The following PACRG variants were observed in gnomAD, a reference collection of about 807,000 sequenced individuals.
PACRG encodes parkin coregulated gene protein.
A neutral mutation model predicts 29.7 loss-of-function variants in PACRG; 29 were observed. The ratio of observed to expected loss-of-function variants is 0.98; its 90% CI spans 0.73 to 1.33. The LOEUF (loss-of-function observed/expected upper bound fraction) is 1.33. Ranked by LOEUF, PACRG falls within the 40% of genes most tolerant of loss-of-function variation. The pLI, the probability that PACRG is intolerant of heterozygous loss-of-function variation, is 0.00. For missense variants in PACRG, 279 were observed against 316.2 expected (o/e 0.88, Z 0.89); for synonymous variants, 116 against 118.7 (o/e 0.98, Z 0.15).
At chr6:163,102,853 G>T (rs1815177364) in intron 4 of PACRG, among the ~76,000 whole-genome samples, 1 of 151,910 alleles carries the variant, frequency 6.6e-6, no homozygotes, top group South Asian at 2.1e-4. Flanking sequence ...ACAGCAATGA[G>T]CTGAAAGCTA....
chr6:163,143,970 C>G (rs569892963), intron 4 of PACRG, among the ~76,000 whole-genome samples: 26 of 152,220 alleles, frequency 1.7e-4, no homozygotes, highest in African/African-American at 6.3e-4. Context: ...TGCGGTGGCT[C>G]ACATCTCTAA....
At position 163,103,804 on chromosome 6, in the gene PACRG, C is replaced by A. The variant is rs533506079; in HGVS notation, c.613+14396C>A. ...CCAACATTTAGTGAAGGTAGCGCAG[C>A]TCGACACTGTATTATTTTTGGAATT... On this transcript the variant is annotated intron_variant, in intron 4 of 4. Coordinates refer to ENST00000366888, the MANE Select transcript of PACRG (RefSeq NM_001080379.2). Among the ~76,000 whole-genome samples the A allele has an allele frequency of 3.9e-5, 6 of 152,300 alleles. No homozygotes were observed. In the South Asian group the frequency reaches 1.2e-3, roughly 32 times the overall value.
intron 4 of PACRG, among the ~76,000 whole-genome samples, chr6:163,218,502 A>AC (rs1463959903): frequency 1.3e-5 from 2 of 151,734 alleles, no homozygotes; most frequent in Admixed American, 6.6e-5. Flanking sequence ...CTCAACACTG[A>AC]CCCCGTCCCC....
At chr6:163,015,243 T>G (rs1011641857) in intron 2 of PACRG, among the ~76,000 whole-genome samples, 5 of 152,214 alleles carry the variant, frequency 3.3e-5, no homozygotes, top group African/African-American at 1.2e-4. Flanking sequence ...CTGTTTTTGT[T>G]ACTATAGCCT....
intron 1 of PACRG, among the ~76,000 whole-genome samples, chr6:162,778,124 G>T (rs1450853787): frequency 6.6e-6 from 1 of 152,140 alleles, no homozygotes. Context: ...CGGTGTTTTG[G>T]GGGGAGGAAA....
chr6:163,100,317 C>A (rs1814985377), intron 4 of PACRG, among the ~76,000 whole-genome samples: 1 of 152,190 alleles, frequency 6.6e-6, no homozygotes, highest in African/African-American at 2.4e-5. Flanking sequence ...GAAACCCACT[C>A]CCATGCCGTG....
chr6:162,732,846 G>GA (rs977147915), intron 1 of PACRG, among the ~76,000 whole-genome samples: 9 of 152,046 alleles, frequency 5.9e-5, no homozygotes, highest in Non-Finnish European at 1.3e-4. Context: ...AATTCTTATA[G>GA]AAAAAAAGTC....
intron 3 of PACRG, among the ~76,000 whole-genome samples, chr6:163,067,638 T>C (rs1038946893): frequency 1.3e-5 from 2 of 152,200 alleles, no homozygotes; most frequent in Admixed American, 6.5e-5. Context: ...AAATAATCTG[T>C]TGTTTCCACG....
intron 4 of PACRG, among the ~76,000 whole-genome samples, chr6:163,285,349 G>A (rs962661691): frequency 2.6e-5 from 4 of 151,754 alleles, no homozygotes; most frequent in African/African-American, 7.3e-5. Flanking sequence ...ATCCCCACTC[G>A]GGCAGCACCC....
At chr6:162,877,481 T>C (rs898111831) in intron 2 of PACRG, among the ~76,000 whole-genome samples, 1 of 151,946 alleles carries the variant, frequency 6.6e-6, no homozygotes, top group Non-Finnish European at 1.5e-5. Context: ...AAATACCTAA[T>C]GTAGATGATG....
At chr6:162,921,121 A>T (rs1797033028) in intron 2 of PACRG, among the ~76,000 whole-genome samples, 1 of 152,230 alleles carries the variant, frequency 6.6e-6, no homozygotes, top group South Asian at 2.1e-4. Context: ...TACATAAACA[A>T]ACTCTTGTTA....
intron 4 of PACRG, among the ~76,000 whole-genome samples, chr6:163,163,787 G>T (rs1778671513): frequency 6.6e-6 from 1 of 152,082 alleles, no homozygotes; most frequent in Admixed American, 6.6e-5. Context: ...TAGACCTTCA[G>T]TCTGAATTTC....
chr6:162,848,929 C>T (rs574278595), intron 2 of PACRG, among the ~76,000 whole-genome samples: 2 of 152,284 alleles, frequency 1.3e-5, no homozygotes, highest in South Asian at 4.1e-4. Flanking sequence ...ATCTAGAAAT[C>T]CAAGTGCTAT....
chr6:163,182,227 G>C (rs577127963), intron 4 of PACRG, among the ~76,000 whole-genome samples: 1 of 152,306 alleles, frequency 6.6e-6, no homozygotes, highest in Admixed American at 6.5e-5. Context: ...AATGAGTTAA[G>C]TAGTTTTTCT....
Position 163,093,566 on chromosome 6 carries a change from T to C in PACRG, c.613+4158T>C, listed in dbSNP as rs79614926. On this transcript the variant is annotated intron_variant, in intron 4 of 4. Transcript: ENST00000366888. ...CATTAAAGCTTTTACAGCTGGAATA[T>C]GGGCTCCGCCAGCAGATTAGGGCTC... Among the ~76,000 whole-genome samples the C allele has an allele frequency of 7.7e-4, 118 of 152,326 alleles. 2 individuals carry two copies. The East Asian group carries it at 0.022, about 28-fold the overall frequency.
At chr6:162,934,255 T>C (rs1798076241) in intron 2 of PACRG, among the ~76,000 whole-genome samples, 1 of 146,936 alleles carries the variant, frequency 6.8e-6, no homozygotes, top group Non-Finnish European at 1.5e-5. Context: ...ACAGCGAGAC[T>C]GTCTCAAAAA....
intron 4 of PACRG, among the ~76,000 whole-genome samples, chr6:163,207,343 A>G (rs535072758): frequency 8.9e-4 from 136 of 152,348 alleles, no homozygotes; most frequent in Middle Eastern, 3.4e-3. Context: ...GGTGATACCC[A>G]GGGTTTCAAA....
intron 2 of PACRG, among the ~76,000 whole-genome samples, chr6:162,994,536 G>A (rs141761560): frequency 0.029 from 4,395 of 151,934 alleles, 234 homozygotes; most frequent in African/African-American, 0.1. Context: ...GATCGCATCG[G>A]CTCTTGAGGC....
chr6:163,204,382 A>G (rs557281681), intron 4 of PACRG, among the ~76,000 whole-genome samples: 2 of 152,330 alleles, frequency 1.3e-5, no homozygotes, highest in East Asian at 3.9e-4. Context: ...ATGTGCCAAT[A>G]CAAAAATTCT....
Sources: allele counts gnomAD v4.1 joint callset (sites outside exome capture counted in the v4.1 genomes callset), GRCh38; gene constraint gnomAD v4.1.1; transcripts MANE v1.5; gene names NCBI Gene and HGNC (gene_info 2026-07-23, HGNC 2026-07-21).